MCFD2: variants seen among roughly 807,000 people sequenced by gnomAD.
MCFD2 encodes multiple coagulation factor deficiency protein 2.
Under a neutral mutation model 12.8 loss-of-function variants are expected in MCFD2, and 11 were observed. The ratio of observed to expected loss-of-function variants is 0.86; its 90% CI spans 0.54 to 1.42. The LOEUF (loss-of-function observed/expected upper bound fraction) is 1.42, where lower values mean the gene tolerates loss of function less well. MCFD2 is among the 40% of genes most tolerant of loss of function. The pLI is 0.00. For synonymous variants in MCFD2, 70 were observed against 68.1 expected, an observed-to-expected ratio of 1.03 and a Z score of -0.14; for missense variants, 191 against 178.6, an observed-to-expected ratio of 1.07 and a Z score of -0.40.
At chr2:46,913,475 CA>C (rs1668568201) in intron 1 of MCFD2, among the ~76,000 whole-genome samples, 1 of 152,144 alleles carries the variant, frequency 6.6e-6, no homozygotes, top group Admixed American at 6.5e-5. Flanking sequence ...TGCCACCTAA[CA>C]AATTAAACTG....
upstream of MCFD2, chr2:46,916,026 T>C: frequency 1.0e-6 from 1 of 985,406 alleles, no homozygotes; most frequent in Non-Finnish European, 1.2e-6. Context: ...GTTGGGCCGC[T>C]GGACGCCCTA....
rs575784326 is a variant in MCFD2, at chr2:46,913,265, G to A, written c.-7+2458C>T. On this transcript the variant is annotated intron_variant, in intron 1 of 3. Transcript: ENST00000319466. The stretch of plus-strand genomic sequence containing the variant: ...AGTGGTACACTGAAAACAGGGAATC[G>A]GGCTGGGCATGGTGGCTTATGCCTG... Among the ~76,000 whole-genome samples the A allele has an allele frequency of 3.3e-5, 5 of 152,210 alleles. No homozygotes were observed. The East Asian group carries it at 5.8e-4, about 18-fold the overall frequency.
At position 46,940,557 on chromosome 2, in the gene MCFD2, A is replaced by C. The variant is rs540584298; in HGVS notation, c.-8+1015T>G. Among the ~76,000 whole-genome samples the C allele has an allele frequency of 6.6e-6, 1 of 152,390 alleles. No individual in the cohort carries two copies. The highest frequency in any genetic ancestry group is 1.5e-5 in the Non-Finnish European group (1 of 68,046). On this transcript the variant is annotated intron_variant, in intron 1 of 2. Coordinates refer to the MCFD2 transcript ENST00000409147. The surrounding 1 kb of genome is among the most constrained non-coding windows in gnomAD (Gnocchi z 4.7). ...GCTTTGATCACAGTCTTAGACCAGC[A>C]TGAAGAAATAAATAAATACCAAGGT...
chr2:46,934,134 C>T (rs571893833), intron 1 of MCFD2, among the ~76,000 whole-genome samples: 1 of 152,224 alleles, frequency 6.6e-6, no homozygotes, highest in Non-Finnish European at 1.5e-5. Flanking sequence ...ACCATCTACA[C>T]CTAAGGTACT....
At chr2:46,916,627 G>GT, upstream of MCFD2, 3 of 156,274 alleles carry the variant, frequency 1.9e-5, no homozygotes, top group South Asian at 1.9e-4. Context: ...CGGTCGTTTT[G>GT]TTTTTTTGTT....
intron 1 of MCFD2, among the ~76,000 whole-genome samples, chr2:46,928,869 T>A (rs1669543110): frequency 6.6e-6 from 1 of 152,196 alleles, no homozygotes; most frequent in African/African-American, 2.4e-5. Context: ...AAAGCCACAT[T>A]TATTTTGAAA....
intron 1 of MCFD2, among the ~76,000 whole-genome samples, chr2:46,911,604 G>A (rs964898000): frequency 6.6e-6 from 1 of 151,868 alleles, no homozygotes; most frequent in Non-Finnish European, 1.5e-5. Flanking sequence ...TAATAACAAA[G>A]ATTATCTTGA....
Position 46,940,253 on chromosome 2 carries a change from G to C in MCFD2, c.-8+1319C>G, listed in dbSNP as rs1670217062. Among the ~76,000 whole-genome samples, 1 of 152,180 alleles carries C rather than the reference G, an allele frequency of 6.6e-6. No individual in the cohort carries two copies. Among genetic ancestry groups the C allele is most frequent in the Non-Finnish European group, 1.5e-5 (1 of 68,028 alleles). ...ACGTGGAGCACCTTCTAACTCTTAG[G>C]AGTCTGCTCAAAAGTTTGCCCTGAC... On this transcript the variant is annotated intron_variant, in intron 1 of 2. Coordinates refer to the MCFD2 transcript ENST00000409147. This position sits in a 1 kb window ranked among gnomAD's most constrained non-coding sequence, Gnocchi z 4.7.
chr2:46,938,244 A>G (rs973212175), intron 1 of MCFD2, among the ~76,000 whole-genome samples: 5 of 152,192 alleles, frequency 3.3e-5, no homozygotes, highest in African/African-American at 1.2e-4. Context: ...TTAAACCCAC[A>G]AGGAAACATT....
chr2:46,932,966 G>C (rs980439911), intron 1 of MCFD2, among the ~76,000 whole-genome samples: 1 of 151,912 alleles, frequency 6.6e-6, no homozygotes, highest in African/African-American at 2.4e-5. Context: ...TATAATCTCT[G>C]AGTGGCCAGA....
intron 1 of MCFD2, among the ~76,000 whole-genome samples, chr2:46,915,283 A>C (rs2103774344): frequency 6.6e-6 from 1 of 152,308 alleles, no homozygotes; most frequent in African/African-American, 2.4e-5. Context: ...ACCCGGGTGG[A>C]TGGCCATGCC....
chr2:46,911,074 T>C lies in MCFD2; in HGVS notation c.-6-1897A>G, dbSNP rs1008651845. Among the ~76,000 whole-genome samples, 25 of 152,288 alleles carry C rather than the reference T, an allele frequency of 1.6e-4. No individual in the cohort carries two copies. The East Asian group carries it at 2.9e-3, about 18-fold the overall frequency. The stretch of plus-strand genomic sequence containing the variant: ...AGGGTGCTAAAAAGCACCTAGAATC[T>C]AGTCTACTTCTAAACAGTGACATCA... On this transcript the variant is annotated intron_variant, in intron 1 of 3. Coordinates refer to ENST00000319466, the MANE Select transcript of MCFD2 (RefSeq NM_139279.6).
intron 1 of MCFD2, chr2:46,912,755 C>T (rs1283531144): frequency 6.6e-6 from 1 of 152,180 alleles, no homozygotes; most frequent in Non-Finnish European, 1.5e-5. Flanking sequence ...GCTGGATGGG[C>T]TTTAAGAGGA....
chr2:46,941,022 T>G lies in MCFD2; in HGVS notation c.-8+550A>C, dbSNP rs1670287650. ...GCCGGGGCTCCGCGCGGGATTAAAG[T>G]GAGCTCCGACTCCGCGGCGGGGGCG... On this transcript the variant is annotated intron_variant, in intron 1 of 2. Transcript: ENST00000409147. The surrounding 1 kb of genome is among the most constrained non-coding windows in gnomAD (Gnocchi z 4.2). Among the ~76,000 whole-genome samples the G allele has an allele frequency of 6.7e-6, 1 of 150,300 alleles. No individual in the cohort carries two copies. The highest frequency in any genetic ancestry group is 6.6e-5 in the Admixed American group (1 of 15,176).
rs529079717 is a variant in MCFD2 at position 46,915,793 on chromosome 2, C to A, written c.-77G>T. The A allele has an allele frequency of 3.2e-5, 28 of 873,336 alleles. No homozygotes were observed. In the South Asian group the frequency reaches 1.5e-3, roughly 46 times the overall value. The allele number at this position is 873,336 out of a possible 1,614,324, so 54.1% of individuals were successfully genotyped here. ...CACCAGCCCCCGTCCCCAAAACGCTCTTCCTCGGCTTCGCCCCGCCCCCCC... is the reference window on the plus strand; with the variant it reads ...CACCAGCCCCCGTCCCCAAAACGCTATTCCTCGGCTTCGCCCCGCCCCCCC... On this transcript the variant is annotated 5_prime_UTR_variant, in exon 1 of 4. Coordinates refer to ENST00000319466, the MANE Select transcript of MCFD2 (RefSeq NM_139279.6).
In MCFD2 at chr2:46,940,174, C is replaced by T. The variant is rs1328626023; in HGVS notation, c.-8+1398G>A. On this transcript the variant is annotated intron_variant, in intron 1 of 2. Coordinates refer to the MCFD2 transcript ENST00000409147. The surrounding 1 kb of genome is among the most constrained non-coding windows in gnomAD (Gnocchi z 4.7). ...TCTGCTTGACATAAAAACCTTCCCTCGGTTACAGTTGTCCAAAAACACTTA... is the reference window on the plus strand; with the variant it reads ...TCTGCTTGACATAAAAACCTTCCCTTGGTTACAGTTGTCCAAAAACACTTA... Among the ~76,000 whole-genome samples the T allele has an allele frequency of 2.0e-5, 3 of 152,160 alleles. No homozygotes were observed. The highest frequency in any genetic ancestry group is 7.2e-5 in the African/African-American group (3 of 41,528).
chr2:46,930,032 T>G (rs77137231), intron 1 of MCFD2, among the ~76,000 whole-genome samples: 27,922 of 152,176 alleles, frequency 0.18, 2,657 homozygotes, highest in Non-Finnish European at 0.21. Flanking sequence ...GAGTGAGAAA[T>G]AAACTAAGTT....
upstream of MCFD2, chr2:46,916,207 T>C: frequency 2.1e-6 from 2 of 972,918 alleles, no homozygotes; most frequent in Non-Finnish European, 2.4e-6. Context: ...CTGCTGCAAG[T>C]TGGGAAGAAA....
rs141460886 is a variant in MCFD2 at position 46,907,033 on chromosome 2, A to C, written c.309+777T>G. ...TAACAATGCCTGCCACTGCCTACTC[A>C]AGATGTTGCAAAGATCCAACGAGAT... On this transcript the variant is annotated intron_variant, in intron 3 of 3. Transcript: ENST00000319466. The surrounding 1 kb of genome is among the most constrained non-coding windows in gnomAD (Gnocchi z 4.1). 302 of 152,680 alleles carry C rather than the reference A, an allele frequency of 2.0e-3. No homozygotes were observed. The highest frequency in any genetic ancestry group is 3.6e-3 in the Non-Finnish European group (245 of 68,328). 9.5% of individuals were successfully genotyped at this position (152,680 alleles called of 1,614,324 possible). A position where few individuals can be genotyped will look rare whatever the true frequency, so the allele number is the denominator to read the frequency against.
Sources: gnomAD v4.1 joint callset for allele counts (sites outside exome capture counted in the v4.1 genomes callset) on GRCh38, gnomAD v4.1.1 for gene constraint, Gnocchi (gnomAD v3.1) non-coding constraint, MANE v1.5 for transcripts, NCBI Gene and HGNC (gene_info 2026-07-23, HGNC 2026-07-21) for gene names.